Variants in CACNA1E observed in about 807,000 individuals in gnomAD.
CACNA1E encodes the protein voltage-dependent R-type calcium channel subunit alpha-1E.
In CACNA1E, 40 loss-of-function variants were observed where a neutral mutation model predicts 259.2. The ratio of observed to expected loss-of-function variants is 0.15; its 90% confidence interval spans 0.12 to 0.20. The LOEUF (loss-of-function observed/expected upper bound fraction) is 0.20. Ranked by LOEUF, CACNA1E falls within the 10% of genes least tolerant of loss-of-function variation. The pLI, the probability that CACNA1E is intolerant of heterozygous loss-of-function variation, is 1.00. For synonymous variants in CACNA1E, 1,104 were observed against 1,138.5 expected, an observed-to-expected ratio of 0.97 and a Z score of 0.61; for missense variants, 1,874 against 3,040.1, an observed-to-expected ratio of 0.62 and a Z score of 9.02.
chr1:181,588,917 G>C (rs1035031026), intron 6 of CACNA1E, among the ~76,000 whole-genome samples: 2 of 152,218 alleles, frequency 1.3e-5, no homozygotes, highest in African/African-American at 4.8e-5. Flanking sequence ...AATGCTGACA[G>C]AATCTCAGCC....
intron 3 of CACNA1E, among the ~76,000 whole-genome samples, chr1:181,569,402 C>T (rs1023328034): frequency 3.3e-5 from 5 of 152,196 alleles, no homozygotes; most frequent in Admixed American, 1.3e-4. Flanking sequence ...TTCCCAGCCT[C>T]GTCCTCTTCC....
At chr1:181,521,350 C>T (rs1666982749) in intron 3 of CACNA1E, among the ~76,000 whole-genome samples, 2 of 152,204 alleles carry the variant, frequency 1.3e-5, no homozygotes. Context: ...AGAGCTCAAT[C>T]TGAAATGGAA....
intron 38 of CACNA1E, among the ~76,000 whole-genome samples, chr1:181,778,572 T>A (rs1203079136): frequency 1.3e-5 from 2 of 152,196 alleles, no homozygotes; most frequent in Admixed American, 1.3e-4. Context: ...GGGTGTTGCT[T>A]CTTTTTCTGG....
At chr1:181,606,988 G>A (rs1654297793) in intron 6 of CACNA1E, among the ~76,000 whole-genome samples, 2 of 152,064 alleles carry the variant, frequency 1.3e-5, no homozygotes, top group Non-Finnish European at 2.9e-5. Context: ...ATTTTTCTTT[G>A]GAATACTTAC....
At chr1:181,754,951 G>A (rs142184786) in intron 27 of CACNA1E, among the ~76,000 whole-genome samples, 25 of 152,336 alleles carry the variant, frequency 1.6e-4, no homozygotes, top group Non-Finnish European at 3.4e-4. Context: ...GGATCACACA[G>A]AGGACCGCAT....
intron 6 of CACNA1E, among the ~76,000 whole-genome samples, chr1:181,598,036 C>T (rs76838577): frequency 0.035 from 5,354 of 152,228 alleles, 336 homozygotes; most frequent in African/African-American, 0.12. Flanking sequence ...AAAGGATCCT[C>T]CCAAGGTCAT....
chr1:181,321,085 G>T (rs572790847), intron 1 of CACNA1E, among the ~76,000 whole-genome samples: 5 of 152,074 alleles, frequency 3.3e-5, no homozygotes, highest in African/African-American at 1.2e-4. Flanking sequence ...AGAGGAGGGA[G>T]GCTCTTTCTA....
At chr1:181,775,148 C>T (rs931716330) in intron 37 of CACNA1E, among the ~76,000 whole-genome samples, 3 of 152,168 alleles carry the variant, frequency 2.0e-5, no homozygotes, top group African/African-American at 7.2e-5. Context: ...CCAGAAGATT[C>T]AATACCATTT....
intron 3 of CACNA1E, among the ~76,000 whole-genome samples, chr1:181,518,896 A>T (rs1292208749): frequency 6.6e-6 from 1 of 152,166 alleles, no homozygotes; most frequent in Non-Finnish European, 1.5e-5. Flanking sequence ...ACCAAAGAGG[A>T]GGAAAAGCCA....
intron 7 of CACNA1E, among the ~76,000 whole-genome samples, chr1:181,695,283 A>G (rs530904087): frequency 9.8e-5 from 15 of 152,344 alleles, no homozygotes; most frequent in East Asian, 3.9e-4. Context: ...ACTTAATATT[A>G]TTAAGATATC....
intron 29 of CACNA1E, among the ~76,000 whole-genome samples, chr1:181,756,537 G>A (rs563382622): frequency 2.3e-4 from 35 of 152,182 alleles, no homozygotes; most frequent in Admixed American, 1.9e-3. Context: ...ACCACAGAAT[G>A]CAGGTCTTAT....
At chr1:181,424,375 T>C (rs140180681) in intron 2 of CACNA1E, among the ~76,000 whole-genome samples, 184 of 152,332 alleles carry the variant, frequency 1.2e-3, no homozygotes, top group African/African-American at 3.7e-3. Flanking sequence ...CTCCCGGGAT[T>C]AGAAAAAAGA....
At chr1:181,330,669 G>A (rs938005537) in intron 1 of CACNA1E, among the ~76,000 whole-genome samples, 2 of 152,182 alleles carry the variant, frequency 1.3e-5, no homozygotes, top group African/African-American at 2.4e-5. Context: ...CTATTGGCAG[G>A]TGAGTCCAAC....
At chr1:181,467,884 C>A (rs181792430) in intron 2 of CACNA1E, among the ~76,000 whole-genome samples, 97 of 152,292 alleles carry the variant, frequency 6.4e-4, no homozygotes, top group African/African-American at 2.1e-3. Context: ...TTGATTGTCA[C>A]AGCTGAGTGG....
At chr1:181,598,084 C>G (rs532804600) in intron 6 of CACNA1E, among the ~76,000 whole-genome samples, 1 of 152,226 alleles carries the variant, frequency 6.6e-6, no homozygotes, top group Non-Finnish European at 1.5e-5. Flanking sequence ...GGAACCTTGT[C>G]TTGTGAGCTA....
intron 21 of CACNA1E, 28 bp downstream of exon 21, chr1:181,733,778 A>AC: frequency 1.4e-6 from 2 of 1,465,658 alleles, no homozygotes; most frequent in Non-Finnish European, 9.1e-7. Flanking sequence ...GTTCCCCTCC[A>AC]CCCCCAACTC....
chr1:181,538,787 T>A (rs1005340851), intron 3 of CACNA1E, among the ~76,000 whole-genome samples: 3 of 152,216 alleles, frequency 2.0e-5, no homozygotes, highest in Non-Finnish European at 4.4e-5. Flanking sequence ...GCAAACTGAC[T>A]AGCAAAGTCC....
At chr1:181,616,796 T>C (rs1053960645) in intron 6 of CACNA1E, among the ~76,000 whole-genome samples, 4 of 152,124 alleles carry the variant, frequency 2.6e-5, no homozygotes, top group Non-Finnish European at 1.5e-5. Flanking sequence ...TTTAATGAGG[T>C]TCAAACTTTC....
intron 6 of CACNA1E, among the ~76,000 whole-genome samples, chr1:181,650,804 C>T (rs1572491044): frequency 6.6e-6 from 1 of 152,278 alleles, no homozygotes; most frequent in East Asian, 1.9e-4. Context: ...TGGGGCCAAG[C>T]CTGGGCCAGC....
Sources: allele counts gnomAD v4.1 joint callset (sites outside exome capture counted in the v4.1 genomes callset), GRCh38; gene constraint gnomAD v4.1.1; transcripts MANE v1.5; gene names NCBI Gene and HGNC (gene_info 2026-07-23, HGNC 2026-07-21).